Variants in FGF14 observed in about 807,000 individuals in gnomAD.
FGF14 encodes the protein fibroblast growth factor homologous factor 4.
A neutral mutation model predicts 25.5 loss-of-function variants in FGF14; 5 were observed. The ratio of observed to expected loss-of-function variants is 0.20; its 90% CI spans 0.10 to 0.41. FGF14 has a LOEUF of 0.41. FGF14 is among the 10% of genes least tolerant of loss of function. The pLI is 1.00. For missense variants in FGF14, 222 were observed against 320.1 expected, an observed-to-expected ratio of 0.69 and a Z score of 2.34; for synonymous variants, 138 against 118.3, an observed-to-expected ratio of 1.17 and a Z score of -1.08.
At chr13:102,180,905 G>A (rs770982812) in intron 1 of FGF14, among the ~76,000 whole-genome samples, 1 of 152,092 alleles carries the variant, frequency 6.6e-6, no homozygotes, top group African/African-American at 2.4e-5. Context: ...TCACTCCTAC[G>A]TGTGTATTCC....
intron 3 of FGF14, among the ~76,000 whole-genome samples, chr13:101,804,961 C>A (rs1049011522): frequency 2.0e-5 from 3 of 152,072 alleles, no homozygotes; most frequent in African/African-American, 7.2e-5. Flanking sequence ...CATCATTGTG[C>A]CTTGTTGTAT....
intron 3 of FGF14, among the ~76,000 whole-genome samples, chr13:101,835,285 GATTT>G (rs1385698525): frequency 2.0e-5 from 3 of 151,798 alleles, no homozygotes; most frequent in Non-Finnish European, 4.4e-5. Context: ...GAGAGAGATT[GATTT>G]ATATTTCCCT....
Position 101,716,577 on chromosome 13 carries a change from A to AT in FGF14, c.*6253dup, listed in dbSNP as rs1022795309. The AT allele has an allele frequency of 2.6e-5, 4 of 152,120 alleles. No individual in the cohort carries two copies. Among genetic ancestry groups the AT allele is most frequent in the African/African-American group, 7.2e-5 (3 of 41,446 alleles). The allele number at this position is 152,120 out of a possible 1,614,324, so 9.4% of individuals were successfully genotyped here. ...AGGGGTTATGCGTACAAGAAATCTG[A>AT]TTTTTTATTTTAATTTATTCCATGG... On this transcript the variant is annotated 3_prime_UTR_variant, in exon 5 of 5. Coordinates refer to ENST00000376143, the MANE Select transcript of FGF14 (RefSeq NM_004115.4).
chr13:102,344,910 T>C (rs1351661601), intron 1 of FGF14, among the ~76,000 whole-genome samples: 1 of 152,180 alleles, frequency 6.6e-6, no homozygotes, highest in Non-Finnish European at 1.5e-5. Flanking sequence ...TTGATGTACC[T>C]AGAATGAGAA....
intron 1 of FGF14, among the ~76,000 whole-genome samples, chr13:102,397,278 G>A (rs1026463446): frequency 3.9e-5 from 6 of 152,142 alleles, no homozygotes; most frequent in Non-Finnish European, 5.9e-5. Context: ...CAGGTGTTTT[G>A]GCACCTAAAA....
At chr13:101,863,367 C>A (rs1304660611) in intron 3 of FGF14, among the ~76,000 whole-genome samples, 1 of 152,158 alleles carries the variant, frequency 6.6e-6, no homozygotes, top group Admixed American at 6.5e-5. Context: ...CCTTGGTCTG[C>A]CTGCAATGGA....
chr13:101,960,023 C>T (rs1056356351), intron 1 of FGF14, among the ~76,000 whole-genome samples: 9 of 152,156 alleles, frequency 5.9e-5, no homozygotes, highest in African/African-American at 1.9e-4. Context: ...GTTATAGTAA[C>T]GAACATATTT....
At chr13:101,783,989 A>G (rs1041606656) in intron 3 of FGF14, among the ~76,000 whole-genome samples, 1 of 152,164 alleles carries the variant, frequency 6.6e-6, no homozygotes, top group African/African-American at 2.4e-5. Context: ...GTCAAAGATC[A>G]GATAGTTGTA....
chr13:102,006,727 CTTTTT>C (rs774872814), intron 1 of FGF14, among the ~76,000 whole-genome samples: 12 of 61,960 alleles, frequency 1.9e-4, no homozygotes, highest in African/African-American at 5.7e-4. Flanking sequence ...AATCTTACTT[CTTTTT>C]TTTTTTTTTT....
chr13:102,374,250 A>G (rs1169481198), intron 1 of FGF14, among the ~76,000 whole-genome samples: 1 of 152,104 alleles, frequency 6.6e-6, no homozygotes, highest in East Asian at 1.9e-4. Context: ...CTGATTATCT[A>G]TTGAAGAGAC....
At chr13:102,222,237 T>C (rs1411943301) in intron 1 of FGF14, among the ~76,000 whole-genome samples, 2 of 152,218 alleles carry the variant, frequency 1.3e-5, no homozygotes, top group Non-Finnish European at 2.9e-5. Context: ...ACTGTTATTA[T>C]AGCACTTACA....
intron 1 of FGF14, among the ~76,000 whole-genome samples, chr13:102,143,072 C>G (rs1250897190): frequency 4.6e-5 from 7 of 152,198 alleles, no homozygotes; most frequent in Admixed American, 2.6e-4. Flanking sequence ...TATCCCCATA[C>G]ATGGCTGAAT....
At chr13:102,369,997 CT>C (rs200355754) in intron 1 of FGF14, among the ~76,000 whole-genome samples, 1,529 of 145,888 alleles carry the variant, frequency 0.01, 17 homozygotes, top group African/African-American at 0.033. Context: ...TAGAATAAAT[CT>C]TTTTTTTTTT....
intron 1 of FGF14, among the ~76,000 whole-genome samples, chr13:101,910,320 G>A (rs1052379674): frequency 6.6e-6 from 1 of 152,048 alleles, no homozygotes; most frequent in Non-Finnish European, 1.5e-5. Flanking sequence ...ATTGCTATGC[G>A]TTCATTTATC....
chr13:101,815,957 G>C (rs2041822246), intron 3 of FGF14, among the ~76,000 whole-genome samples: 1 of 151,930 alleles, frequency 6.6e-6, no homozygotes, highest in Non-Finnish European at 1.5e-5. Context: ...ATCATTTTTG[G>C]CATCATTGTG....
chr13:101,896,480 G>T (rs767503378), intron 1 of FGF14, among the ~76,000 whole-genome samples: 3 of 152,142 alleles, frequency 2.0e-5, no homozygotes, highest in African/African-American at 4.8e-5. Context: ...CTAATATTCA[G>T]ATTTTCTCAT....
intron 1 of FGF14, among the ~76,000 whole-genome samples, chr13:101,888,487 T>C (rs2046106185): frequency 1.3e-5 from 2 of 152,260 alleles, no homozygotes; most frequent in East Asian, 1.9e-4. Context: ...TGCTCAAGAA[T>C]TGGGAGGCTT....
intron 3 of FGF14, among the ~76,000 whole-genome samples, chr13:101,790,217 T>TTA (rs1261646704): frequency 3.3e-5 from 5 of 152,034 alleles, no homozygotes; most frequent in African/African-American, 1.2e-4. Context: ...TTACTCTCTT[T>TTA]TATCCACTCT....
At chr13:102,177,767 G>A (rs906545815) in intron 1 of FGF14, among the ~76,000 whole-genome samples, 1 of 150,378 alleles carries the variant, frequency 6.6e-6, no homozygotes, top group African/African-American at 2.4e-5. Context: ...TGACATGGAA[G>A]AAATTATAAA....
Sources: gnomAD v4.1 joint callset for allele counts (sites outside exome capture counted in the v4.1 genomes callset) on GRCh38, gnomAD v4.1.1 for gene constraint, MANE v1.5 for transcripts, NCBI Gene and HGNC (gene_info 2026-07-23, HGNC 2026-07-21) for gene names.